Variants in RAD51B observed in about 807,000 individuals in gnomAD.
RAD51B encodes RAD51 paralog B, also known as DNA repair protein RAD51 homolog 2.
RAD51B carries 38 observed loss-of-function variants against 42.2 expected under a neutral mutation model. The observed-to-expected ratio is 0.90, with a 90% CI of 0.70 to 1.18. The LOEUF is 1.18. Among genes scored for constraint, RAD51B ranks in the 50% most tolerant of loss-of-function variants. The probability of loss-of-function intolerance (pLI) is 0.00; values close to 1 mark genes in which losing one functional copy is unlikely to be tolerated. For missense variants in RAD51B, 373 were observed against 400.7 expected, an observed-to-expected ratio of 0.93 and a Z score of 0.59; for synonymous variants, 154 against 145.2, an observed-to-expected ratio of 1.06 and a Z score of -0.43.
intron 10 of RAD51B, among the ~76,000 whole-genome samples, chr14:68,484,942 C>T (rs1883511630): frequency 6.6e-6 from 1 of 152,166 alleles, no homozygotes; most frequent in African/African-American, 2.4e-5. Context: ...CTTCAGTTCC[C>T]ATTGGCTTTT....
intron 7 of RAD51B, among the ~76,000 whole-genome samples, chr14:68,055,322 G>A (rs750508340): frequency 2.3e-4 from 35 of 152,094 alleles, no homozygotes; most frequent in Non-Finnish European, 4.4e-4. Flanking sequence ...GTTTTGGGGA[G>A]AATTTTTGCC....
chr14:68,655,673 C>A (rs148310539), intron 11 of RAD51B, among the ~76,000 whole-genome samples: 2 of 152,182 alleles, frequency 1.3e-5, no homozygotes, highest in South Asian at 2.1e-4. Context: ...CGCCCACCCG[C>A]GGGGCACTCT....
intron 9 of RAD51B, among the ~76,000 whole-genome samples, chr14:68,425,959 T>TCTTTCTTTCTTTCTTCCTTC (rs2084825770): frequency 9.2e-6 from 1 of 108,990 alleles, no homozygotes; most frequent in Non-Finnish European, 1.8e-5. Flanking sequence ...TTTCTTTCTT[T>TCTTTCTTTCTTTCTTCCTTC]CTTTCTTTCT....
At chr14:68,492,246 C>G (rs2140282928) in intron 10 of RAD51B, among the ~76,000 whole-genome samples, 1 of 152,308 alleles carries the variant, frequency 6.6e-6, no homozygotes, top group East Asian at 1.9e-4. Context: ...CCCCATCCTG[C>G]TCTACTTATA....
At chr14:68,335,022 C>T (rs1403893516) in intron 8 of RAD51B, among the ~76,000 whole-genome samples, 2 of 149,134 alleles carry the variant, frequency 1.3e-5, no homozygotes, top group South Asian at 2.1e-4. Context: ...GTTGGCTGGG[C>T]GCAGTGGCTC....
intron 8 of RAD51B, among the ~76,000 whole-genome samples, chr14:68,405,829 CAAAA>C (rs10547910): frequency 4.2e-5 from 3 of 71,550 alleles, no homozygotes; most frequent in African/African-American, 4.5e-5. Flanking sequence ...AGTTTATCAC[CAAAA>C]AAAAAAAAAA....
At chr14:68,525,690 T>C (rs140462706) in intron 10 of RAD51B, among the ~76,000 whole-genome samples, 89 of 152,232 alleles carry the variant, frequency 5.8e-4, no homozygotes, top group African/African-American at 2.1e-3. Flanking sequence ...CCTATAGCAT[T>C]ACAACAAGCT....
intron 7 of RAD51B, among the ~76,000 whole-genome samples, chr14:68,224,083 G>A (rs2079986169): frequency 6.6e-6 from 1 of 152,098 alleles, no homozygotes; most frequent in African/African-American, 2.4e-5. Flanking sequence ...GTAGAATGAA[G>A]AAAAAATGGT....
At chr14:68,655,516 G>C (rs1487868120) in intron 11 of RAD51B, among the ~76,000 whole-genome samples, 1 of 152,204 alleles carries the variant, frequency 6.6e-6, no homozygotes, top group African/African-American at 2.4e-5. Flanking sequence ...TTGCAAACCT[G>C]CTCAGGTCGG....
At chr14:67,968,100 A>G (rs565339128) in intron 7 of RAD51B, among the ~76,000 whole-genome samples, 227 of 152,314 alleles carry the variant, frequency 1.5e-3, no homozygotes, top group African/African-American at 5.3e-3. Flanking sequence ...ACTCTCTGAA[A>G]CTATGCGCTG....
chr14:68,431,135 C>T lies in RAD51B; in HGVS notation c.957+19608C>T, dbSNP rs1397627666. On this transcript the variant is annotated intron_variant, in intron 9 of 10. Transcript: ENST00000471583. Reference sequence around the variant, plus strand: ...CATGGTGGATAAGCTTTTTGATGTGCTGCTGGATTCAGTTTGCCAGTATTT... The same window carrying T: ...CATGGTGGATAAGCTTTTTGATGTGTTGCTGGATTCAGTTTGCCAGTATTT... 1.3e-5 allele frequency among the ~76,000 whole-genome samples: 2 copies of T among 152,156 alleles called. 1 individual carries two copies. Among genetic ancestry groups the T allele is most frequent in the Non-Finnish European group, 2.9e-5 (2 of 68,036 alleles).
At chr14:68,302,586 G>A (rs2081767800) in intron 8 of RAD51B, among the ~76,000 whole-genome samples, 1 of 152,128 alleles carries the variant, frequency 6.6e-6, no homozygotes, top group African/African-American at 2.4e-5. Flanking sequence ...GAAATATAGA[G>A]GTGTGAAGTA....
At chr14:68,355,550 G>A (rs766982055) in intron 8 of RAD51B, among the ~76,000 whole-genome samples, 15 of 152,092 alleles carry the variant, frequency 9.9e-5, no homozygotes, top group Admixed American at 6.5e-4. Flanking sequence ...CCCTGGAACC[G>A]GACTGAATAA....
chr14:68,634,913 T>A (rs1266202275), intron 10 of RAD51B, among the ~76,000 whole-genome samples: 1 of 152,170 alleles, frequency 6.6e-6, no homozygotes, highest in Admixed American at 6.5e-5. Context: ...CCTTTCTGAC[T>A]GGGACAGTTC....
intron 9 of RAD51B, among the ~76,000 whole-genome samples, chr14:68,459,922 G>T (rs1240520869): frequency 2.6e-5 from 4 of 152,158 alleles, no homozygotes; most frequent in African/African-American, 4.8e-5. Context: ...TGGGGTTGGG[G>T]TGGGAAGGGG....
intron 7 of RAD51B, among the ~76,000 whole-genome samples, chr14:67,996,226 C>T (rs1439581967): frequency 6.6e-6 from 1 of 151,280 alleles, no homozygotes; most frequent in East Asian, 2.0e-4. Flanking sequence ...TGAGACCCGG[C>T]CTCTACACAA....
intron 1 of RAD51B, among the ~76,000 whole-genome samples, chr14:67,822,493 A>G (rs551097874): frequency 1.3e-5 from 2 of 152,124 alleles, no homozygotes; most frequent in East Asian, 3.9e-4. Context: ...CTTGGGCAAC[A>G]TGGCAAAACC....
At chr14:68,449,365 T>C (rs1470136044) in intron 9 of RAD51B, among the ~76,000 whole-genome samples, 2 of 152,182 alleles carry the variant, frequency 1.3e-5, no homozygotes, top group African/African-American at 2.4e-5. Flanking sequence ...CCAAAGAGCA[T>C]GGTAAACATT....
At chr14:68,617,177 G>C (rs1891843163) in intron 10 of RAD51B, among the ~76,000 whole-genome samples, 1 of 152,128 alleles carries the variant, frequency 6.6e-6, no homozygotes, top group Admixed American at 6.5e-5. Context: ...TTGAATGTTT[G>C]TATATTTTTA....
Sources: allele counts gnomAD v4.1 joint callset (sites outside exome capture counted in the v4.1 genomes callset), GRCh38; gene constraint gnomAD v4.1.1; transcripts MANE v1.5; gene names NCBI Gene and HGNC (gene_info 2026-07-23, HGNC 2026-07-21).